Variants in TSPAN9 observed in about 807,000 individuals in gnomAD.
TSPAN9 encodes tetraspanin-9.
Under a neutral mutation model 31.0 loss-of-function variants are expected in TSPAN9, and 16 were observed. That is an observed-to-expected ratio of 0.52 (90% CI 0.35 to 0.78). TSPAN9 has a LOEUF of 0.78. Ranked by LOEUF, TSPAN9 falls within the 30% of genes least tolerant of loss-of-function variation. The pLI is 0.01. For missense variants in TSPAN9, 272 were observed against 312.5 expected (o/e 0.87, Z 0.98); for synonymous variants, 145 against 121.6 (o/e 1.19, Z -1.27).
At chr12:3,176,943 T>C (rs780397057) in intron 2 of TSPAN9, among the ~76,000 whole-genome samples, 5 of 152,208 alleles carry the variant, frequency 3.3e-5, no homozygotes, top group Non-Finnish European at 5.9e-5. Context: ...GTGCCCCGCA[T>C]TAGCGGGAAG....
chr12:3,144,411 A>G (rs536959506), intron 2 of TSPAN9, among the ~76,000 whole-genome samples: 1 of 152,246 alleles, frequency 6.6e-6, no homozygotes, highest in Admixed American at 6.5e-5. Flanking sequence ...AGTGAGTGGT[A>G]TCCCTATAAG....
At chr12:3,184,377 G>C (rs2098359986) in intron 2 of TSPAN9, among the ~76,000 whole-genome samples, 1 of 151,872 alleles carries the variant, frequency 6.6e-6, no homozygotes, top group Admixed American at 6.6e-5. Context: ...CAGCCTGGGT[G>C]ACAGAGTGAG....
At chr12:3,096,740 C>T (rs564882731) in intron 2 of TSPAN9, among the ~76,000 whole-genome samples, 1 of 151,730 alleles carries the variant, frequency 6.6e-6, no homozygotes, top group Admixed American at 6.6e-5. Flanking sequence ...CTCTGTCGCC[C>T]GGAGTGCAAT....
rs747741255 is a variant in TSPAN9, at chr12:3,281,306, G to A, written c.541G>A (p.Ala181Thr). The part of the protein sequence containing the change: ...MENSQGCGRN[A>T]TTPLWRTGCY... ...GAACTCCCAGGGCTGCGGGCGCAAC[G>A]CCACCACGCCTTTGTGGAGAACGGT... Residue 181 changes from alanine to threonine, a missense_variant, in exon 7 of 9, where the codon GCC becomes ACC. Coordinates refer to ENST00000011898, the MANE Select transcript of TSPAN9 (RefSeq NM_006675.5). The A allele has an allele frequency of 1.7e-5, 27 of 1,550,776 alleles. No homozygotes were observed. In the East Asian group the frequency reaches 4.2e-4, roughly 24 times the overall value.
chr12:3,186,746 A>T (rs2098361646), intron 2 of TSPAN9, among the ~76,000 whole-genome samples: 1 of 152,156 alleles, frequency 6.6e-6, no homozygotes, highest in Non-Finnish European at 1.5e-5. Flanking sequence ...AGGAGACCAG[A>T]CAGGGGGCTG....
intron 2 of TSPAN9, among the ~76,000 whole-genome samples, chr12:3,091,894 A>G (rs1478977623): frequency 6.6e-6 from 1 of 152,174 alleles, no homozygotes; most frequent in Non-Finnish European, 1.5e-5. Context: ...CTAGCACTGC[A>G]GCACCCTTGG....
chr12:3,157,961 A>G (rs1711137466), intron 2 of TSPAN9, among the ~76,000 whole-genome samples: 1 of 152,122 alleles, frequency 6.6e-6, no homozygotes, highest in South Asian at 2.1e-4. Flanking sequence ...GAGCAACTCC[A>G]TTGTGTCTTT....
intron 3 of TSPAN9, among the ~76,000 whole-genome samples, chr12:3,247,035 G>A (rs1357748528): frequency 1.3e-5 from 2 of 152,126 alleles, no homozygotes; most frequent in Non-Finnish European, 2.9e-5. Context: ...GGAAGGGAGG[G>A]TGCCTGTTTT....
intron 2 of TSPAN9, among the ~76,000 whole-genome samples, chr12:3,137,594 A>G (rs891152082): frequency 1.3e-5 from 2 of 152,026 alleles, no homozygotes; most frequent in African/African-American, 2.4e-5. Context: ...TTCCAGCCAG[A>G]TGGAGGAGGG....
At chr12:3,120,416 A>G (rs2098324530) in intron 2 of TSPAN9, among the ~76,000 whole-genome samples, 1 of 152,154 alleles carries the variant, frequency 6.6e-6, no homozygotes, top group African/African-American at 2.4e-5. Context: ...TTGTGCCACC[A>G]GCAGCCACAG....
intron 3 of TSPAN9, among the ~76,000 whole-genome samples, chr12:3,270,373 T>A (rs1862651241): frequency 2.6e-5 from 4 of 152,150 alleles, no homozygotes; most frequent in Admixed American, 6.5e-5. Context: ...GATGCCCCCA[T>A]CCCTCCCCTT....
At chr12:3,253,129 G>C (rs1022094162) in intron 3 of TSPAN9, among the ~76,000 whole-genome samples, 2 of 152,096 alleles carry the variant, frequency 1.3e-5, no homozygotes, top group African/African-American at 4.8e-5. Context: ...TGATCAACAC[G>C]TTCTGGGATG....
chr12:3,240,809 G>A (rs1237379260), intron 3 of TSPAN9, among the ~76,000 whole-genome samples: 7 of 152,208 alleles, frequency 4.6e-5, no homozygotes. Flanking sequence ...TGGCGTGGAC[G>A]TTGGAGAGTT....
At chr12:3,095,365 C>T (rs1161877353) in intron 2 of TSPAN9, among the ~76,000 whole-genome samples, 11 of 150,782 alleles carry the variant, frequency 7.3e-5, no homozygotes, top group Non-Finnish European at 1.3e-4. Context: ...CATCCTGGCC[C>T]GTTCTCAATG....
intron 3 of TSPAN9, among the ~76,000 whole-genome samples, chr12:3,236,731 C>T (rs1322135305): frequency 3.3e-5 from 5 of 151,938 alleles, no homozygotes; most frequent in Admixed American, 2.0e-4. Flanking sequence ...AGAGTCCAGG[C>T]GGTGGGGTAT....
At chr12:3,201,881 G>A (rs1317935327) in intron 3 of TSPAN9, among the ~76,000 whole-genome samples, 1 of 152,132 alleles carries the variant, frequency 6.6e-6, no homozygotes, top group Non-Finnish European at 1.5e-5. Context: ...GGGGTGTGGG[G>A]GCATGCTGCC....
chr12:3,165,804 C>G (rs2098348087), intron 2 of TSPAN9, among the ~76,000 whole-genome samples: 2 of 152,146 alleles, frequency 1.3e-5, no homozygotes. Flanking sequence ...CTGCTGCCTC[C>G]TAGAATCTGC....
At chr12:3,149,437 C>G (rs1341083804) in intron 2 of TSPAN9, among the ~76,000 whole-genome samples, 1 of 152,202 alleles carries the variant, frequency 6.6e-6, no homozygotes, top group Non-Finnish European at 1.5e-5. Context: ...TCCTTGAAGT[C>G]TCTAACAACC....
At chr12:3,129,884 G>A (rs1375128981) in intron 2 of TSPAN9, among the ~76,000 whole-genome samples, 1 of 152,168 alleles carries the variant, frequency 6.6e-6, no homozygotes, top group Admixed American at 6.5e-5. Context: ...CCTGGCAGAG[G>A]TAGAACCCTG....
Sources: allele counts gnomAD v4.1 joint callset (sites outside exome capture counted in the v4.1 genomes callset), GRCh38; gene constraint gnomAD v4.1.1; transcripts MANE v1.5; gene names NCBI Gene and HGNC (gene_info 2026-07-23, HGNC 2026-07-21).